The following AUH variants were observed in gnomAD, a reference collection of about 807,000 sequenced individuals.
The protein encoded by AUH is AU RNA binding methylglutaconyl-CoA hydratase.
AUH carries 29 observed loss-of-function variants against 42.3 expected under a neutral mutation model. The observed-to-expected ratio is 0.69, with a 90% CI of 0.51 to 0.93. The LOEUF (loss-of-function observed/expected upper bound fraction) is 0.93. Among genes scored for constraint, AUH ranks in the 40% least tolerant of loss-of-function variants. The pLI, the probability that AUH is intolerant of heterozygous loss-of-function variation, is 0.00. For synonymous variants in AUH, 174 were observed against 166.4 expected, an observed-to-expected ratio of 1.05 and a Z score of -0.35; for missense variants, 452 against 438.1, an observed-to-expected ratio of 1.03 and a Z score of -0.28.
intron 6 of AUH, among the ~76,000 whole-genome samples, chr9:91,279,907 A>G (rs1825830710): frequency 6.6e-6 from 1 of 152,172 alleles, no homozygotes; most frequent in African/African-American, 2.4e-5. Context: ...TAGTGTGTTC[A>G]GTTTTCTTAA....
At chr9:91,218,643 G>A in intron 7 of AUH, 1 of 985,380 alleles carries the variant, frequency 1.0e-6, no homozygotes, top group Non-Finnish European at 1.2e-6. Context: ...AATTCAAAAT[G>A]CTATTAGAAA....
intron 6 of AUH, among the ~76,000 whole-genome samples, chr9:91,244,182 T>C (rs1587679635): frequency 6.6e-6 from 1 of 152,304 alleles, no homozygotes; most frequent in East Asian, 1.9e-4. Flanking sequence ...CAAGAAAAAC[T>C]ACCCACAACA....
At chr9:91,298,319 A>T (rs1055218337) in intron 4 of AUH, among the ~76,000 whole-genome samples, 3 of 152,202 alleles carry the variant, frequency 2.0e-5, no homozygotes, top group Non-Finnish European at 2.9e-5. Flanking sequence ...CATATTATTG[A>T]ATTACTTTCA....
intron 6 of AUH, among the ~76,000 whole-genome samples, chr9:91,233,784 T>TA (rs1170199040): frequency 6.6e-6 from 1 of 152,156 alleles, no homozygotes; most frequent in Non-Finnish European, 1.5e-5. Context: ...GTGTCTTCTG[T>TA]ATAAGGTTAC....
In AUH at chr9:91,281,092, AT is replaced by A. The variant is rs11433910; in HGVS notation, c.655+14928del. Among the ~76,000 whole-genome samples the A allele has an allele frequency of 3.1e-4, 47 of 152,036 alleles. No homozygotes were observed. The South Asian group carries it at 8.1e-3, about 26-fold the overall frequency. ...AAAGTTTTCAACCATTATTTCTTTG[AT>A]TTTTTCCCCCCTGAAATACACTTTC... On this transcript the variant is annotated intron_variant, in intron 6 of 9. Transcript: ENST00000375731.
At chr9:91,280,102 A>G (rs1825847668) in intron 6 of AUH, among the ~76,000 whole-genome samples, 1 of 152,252 alleles carries the variant, frequency 6.6e-6, no homozygotes, top group Non-Finnish European at 1.5e-5. Flanking sequence ...AGCAGTCACC[A>G]AACTGGAAGG....
At chr9:91,236,923 T>C (rs1371360350) in intron 6 of AUH, among the ~76,000 whole-genome samples, 2 of 152,106 alleles carry the variant, frequency 1.3e-5, no homozygotes, top group Non-Finnish European at 1.5e-5. Flanking sequence ...CACAAATCGA[T>C]AAAATGGCAG....
chr9:91,239,770 C>T (rs902902691), intron 6 of AUH, among the ~76,000 whole-genome samples: 10 of 152,088 alleles, frequency 6.6e-5, no homozygotes, highest in East Asian at 1.9e-4. Flanking sequence ...CACACACGCA[C>T]GCACAAGACA....
At chr9:91,276,552 C>A (rs756323392) in intron 6 of AUH, among the ~76,000 whole-genome samples, 1 of 151,880 alleles carries the variant, frequency 6.6e-6, no homozygotes, top group African/African-American at 2.4e-5. Flanking sequence ...CAATAACAAA[C>A]GAGAACAAAA....
chr9:91,238,760 C>T (rs1828333253), intron 6 of AUH, among the ~76,000 whole-genome samples: 1 of 152,174 alleles, frequency 6.6e-6, no homozygotes, highest in South Asian at 2.1e-4. Flanking sequence ...GAGGTAGCAA[C>T]CTGTCTTAGC....
At chr9:91,225,102 G>T (rs566047889) in intron 6 of AUH, among the ~76,000 whole-genome samples, 1 of 152,056 alleles carries the variant, frequency 6.6e-6, no homozygotes, top group Non-Finnish European at 1.5e-5. Flanking sequence ...TTATGAACAC[G>T]CATTTTCTAT....
intron 3 of AUH, among the ~76,000 whole-genome samples, chr9:91,341,306 G>T (rs528540018): frequency 6.6e-6 from 1 of 152,152 alleles, no homozygotes; most frequent in Non-Finnish European, 1.5e-5. Context: ...CACTAGGGGG[G>T]GCCCATTCTC....
intron 6 of AUH, among the ~76,000 whole-genome samples, chr9:91,261,556 T>C (rs1440241137): frequency 1.3e-5 from 2 of 152,234 alleles, no homozygotes. Context: ...ATCTTGGCAA[T>C]CACCAACCAA....
intron 3 of AUH, among the ~76,000 whole-genome samples, chr9:91,326,298 C>T (rs1414150040): frequency 6.6e-6 from 1 of 152,142 alleles, no homozygotes; most frequent in East Asian, 1.9e-4. Flanking sequence ...GGAGTGAGAA[C>T]CTCAGTTGAC....
intron 8 of AUH, among the ~76,000 whole-genome samples, chr9:91,216,916 T>G (rs1437118860): frequency 2.0e-5 from 3 of 152,216 alleles, no homozygotes; most frequent in Admixed American, 6.5e-5. Flanking sequence ...TCTTGGAATG[T>G]TTTGTATAAT....
intron 4 of AUH, among the ~76,000 whole-genome samples, chr9:91,319,653 C>T (rs935256174): frequency 5.3e-5 from 8 of 152,312 alleles, no homozygotes; most frequent in Admixed American, 3.9e-4. Context: ...TCTAGGAACA[C>T]GGGGCTGCAA....
intron 6 of AUH, among the ~76,000 whole-genome samples, chr9:91,253,738 T>C (rs973998827): frequency 6.6e-6 from 1 of 152,234 alleles, no homozygotes; most frequent in Admixed American, 6.5e-5. Context: ...CTTGTGGGGC[T>C]CCATGTGAAT....
chr9:91,340,852 C>A (rs912149123), intron 3 of AUH, among the ~76,000 whole-genome samples: 1 of 152,088 alleles, frequency 6.6e-6, no homozygotes, highest in Non-Finnish European at 1.5e-5. Context: ...CCAGTCTGCA[C>A]CCAGCTTTTA....
chr9:91,334,322 C>T (rs1288658214), intron 3 of AUH, among the ~76,000 whole-genome samples: 3 of 152,012 alleles, frequency 2.0e-5, no homozygotes, highest in African/African-American at 4.8e-5. Context: ...CATTTGAATT[C>T]GTGAACTGCA....
Sources: gnomAD v4.1 joint callset for allele counts (sites outside exome capture counted in the v4.1 genomes callset) on GRCh38, gnomAD v4.1.1 for gene constraint, MANE v1.5 for transcripts, NCBI Gene and HGNC (gene_info 2026-07-23, HGNC 2026-07-21) for gene names.